Variants in ZRANB3 observed in about 807,000 individuals in gnomAD.
ZRANB3 encodes zinc finger RANBP2-type containing 3, also known as DNA annealing helicase and endonuclease ZRANB3.
A neutral mutation model predicts 133.8 loss-of-function variants in ZRANB3; 125 were observed. The observed-to-expected ratio is 0.93, with a 90% CI of 0.81 to 1.08. The LOEUF is 1.08. Ranked by LOEUF, ZRANB3 falls within the 50% of genes least tolerant of loss-of-function variation. ZRANB3 has a pLI of 0.00. For synonymous variants in ZRANB3, 387 were observed against 432.7 expected (o/e 0.89, Z 1.31); for missense variants, 1,229 against 1,275.5 (o/e 0.96, Z 0.56).
At chr2:135,238,772 C>G (rs1695422923) in intron 12 of ZRANB3, 1 of 152,304 alleles carries the variant, frequency 6.6e-6, no homozygotes, top group Non-Finnish European at 1.5e-5. Context: ...GCCTTGGGAA[C>G]CTAGCCACCA....
intron 2 of ZRANB3, among the ~76,000 whole-genome samples, chr2:135,404,675 G>GA (rs973192846): frequency 1.3e-5 from 2 of 152,078 alleles, no homozygotes; most frequent in African/African-American, 4.8e-5. Flanking sequence ...TGAAATGAAG[G>GA]AAAAAATGTT....
At chr2:135,242,264 T>C (rs1309462491) in intron 12 of ZRANB3, among the ~76,000 whole-genome samples, 1 of 151,638 alleles carries the variant, frequency 6.6e-6, no homozygotes, top group Non-Finnish European at 1.5e-5. Context: ...AAAGTGGATG[T>C]CATGCCACAT....
chr2:135,264,839 A>G (rs976836422), intron 12 of ZRANB3, among the ~76,000 whole-genome samples: 1 of 151,166 alleles, frequency 6.6e-6, no homozygotes, highest in African/African-American at 2.4e-5. Context: ...CTCTGCCTTC[A>G]GGTGGTTCAA....
intron 2 of ZRANB3, among the ~76,000 whole-genome samples, chr2:135,464,089 A>C (rs1690881203): frequency 6.6e-6 from 1 of 152,214 alleles, no homozygotes; most frequent in Non-Finnish European, 1.5e-5. Context: ...AGGATGTGCT[A>C]TGGTCAATTT....
intron 3 of ZRANB3, 108 bp downstream of exon 3, chr2:135,390,694 C>G: frequency 1.4e-6 from 2 of 1,475,154 alleles, no homozygotes; most frequent in Non-Finnish European, 1.8e-6. Context: ...TCCCCATCCC[C>G]ATATACAGAC....
chr2:135,390,920 G>A lies in ZRANB3; in HGVS notation c.162-100C>T, dbSNP rs149025167. ...TCTGTCACCAGGCTGGAGTGCAGTG[G>A]TGCGATCTCAGCTCACTGCAACCTC... On this transcript the variant is annotated intron_variant, in intron 2 of 20. Coordinates refer to ENST00000264159, the MANE Select transcript of ZRANB3 (RefSeq NM_032143.4). The A allele has an allele frequency of 1.5e-3, 1,962 of 1,267,078 alleles. 22 individuals carry two copies. In the African/African-American group the frequency reaches 0.026, roughly 17 times the overall value. The allele number at this position is 1,267,078 out of a possible 1,614,324, so 78.5% of individuals were successfully genotyped here. A position where few individuals can be genotyped will look rare whatever the true frequency, so the allele number is the denominator to read the frequency against.
chr2:135,416,094 GA>G (rs1688560865), intron 2 of ZRANB3, among the ~76,000 whole-genome samples: 1 of 152,014 alleles, frequency 6.6e-6, no homozygotes. Flanking sequence ...CATAGTGTTG[GA>G]AGTTCTGGCC....
chr2:135,197,996 TG>T lies in ZRANB3; in HGVS notation c.*2345del, dbSNP rs1425841480. The T allele has an allele frequency of 6.6e-6, 1 of 152,352 alleles. No individual in the cohort carries two copies. The highest frequency in any genetic ancestry group is 1.5e-5 in the Non-Finnish European group (1 of 68,178). The allele number at this position is 152,352 out of a possible 1,614,324, so 9.4% of individuals were successfully genotyped here. A position where few individuals can be genotyped will look rare whatever the true frequency, so the allele number is the denominator to read the frequency against. ...TTGTTGTTGTTTTCTTAGCCTAAAC[TG>T]TATCTTGCAGCTTCTCTGAGTCTTT... On this transcript the variant is annotated 3_prime_UTR_variant, in exon 21 of 21. Coordinates refer to ENST00000264159, the MANE Select transcript of ZRANB3 (RefSeq NM_032143.4).
intron 2 of ZRANB3, among the ~76,000 whole-genome samples, chr2:135,418,696 C>G (rs1355832064): frequency 6.6e-6 from 1 of 151,980 alleles, no homozygotes; most frequent in Non-Finnish European, 1.5e-5. Context: ...TGACGAAAGA[C>G]TCAACACTGA....
chr2:135,263,698 C>T (rs1680078091), intron 12 of ZRANB3, among the ~76,000 whole-genome samples: 1 of 151,406 alleles, frequency 6.6e-6, no homozygotes, highest in Admixed American at 6.6e-5. Context: ...TTTCATTAGC[C>T]AGATCTAAGT....
In ZRANB3 at chr2:135,208,041, A is replaced by G. The variant is rs577067207; in HGVS notation, c.2607-205T>C. Among the ~76,000 whole-genome samples the G allele has an allele frequency of 2.0e-5, 3 of 152,350 alleles. No homozygotes were observed. The South Asian group carries it at 6.2e-4, about 32-fold the overall frequency. ...TGTTACAAAAATTAATTGAATATAAATATGTTGCCTCTCTTGGGAATTAAC... is the reference window on the plus strand; with the variant it reads ...TGTTACAAAAATTAATTGAATATAAGTATGTTGCCTCTCTTGGGAATTAAC... On this transcript the variant is annotated intron_variant, in intron 18 of 20. Coordinates refer to ENST00000264159, the MANE Select transcript of ZRANB3 (RefSeq NM_032143.4).
At chr2:135,441,521 T>C (rs1312927622) in intron 2 of ZRANB3, among the ~76,000 whole-genome samples, 2 of 152,034 alleles carry the variant, frequency 1.3e-5, no homozygotes, top group African/African-American at 2.4e-5. Flanking sequence ...TTAATATAAA[T>C]ATAAATGACT....
intron 8 of ZRANB3, among the ~76,000 whole-genome samples, chr2:135,288,816 C>T (rs891216580): frequency 1.3e-5 from 2 of 151,734 alleles, no homozygotes; most frequent in Admixed American, 1.3e-4. Flanking sequence ...GTTAGCCTCA[C>T]TAATAGTCTA....
intron 2 of ZRANB3, among the ~76,000 whole-genome samples, chr2:135,459,052 C>T (rs1194399072): frequency 2.6e-5 from 4 of 152,050 alleles, no homozygotes; most frequent in Admixed American, 1.3e-4. Flanking sequence ...CCTCTCTTCC[C>T]GTCATGATAC....
intron 12 of ZRANB3, among the ~76,000 whole-genome samples, chr2:135,247,983 C>A (rs1695880312): frequency 1.3e-5 from 2 of 152,202 alleles, no homozygotes; most frequent in Admixed American, 1.3e-4. Context: ...AACCAGATCA[C>A]CAGCTACCTC....
chr2:135,409,971 T>C lies in ZRANB3; in HGVS notation c.162-19151A>G, dbSNP rs990042713. Among the ~76,000 whole-genome samples, 3 of 152,188 alleles carry C rather than the reference T, an allele frequency of 2.0e-5. No homozygotes were observed. The South Asian group carries it at 6.2e-4, about 32-fold the overall frequency. On this transcript the variant is annotated intron_variant, in intron 2 of 20. Coordinates refer to ENST00000264159, the MANE Select transcript of ZRANB3 (RefSeq NM_032143.4). Reference sequence around the variant, plus strand: ...AGGAGAACTTTGTATGAAACACTGATGAAAGAAATCATAGATGACACAAAC... The same window carrying C: ...AGGAGAACTTTGTATGAAACACTGACGAAAGAAATCATAGATGACACAAAC...
intron 6 of ZRANB3, among the ~76,000 whole-genome samples, chr2:135,339,466 C>T (rs1268829511): frequency 6.6e-6 from 1 of 151,846 alleles, no homozygotes; most frequent in Non-Finnish European, 1.5e-5. Context: ...CCTGTAGTCC[C>T]AGCTACTAGG....
intron 2 of ZRANB3, among the ~76,000 whole-genome samples, chr2:135,499,494 C>T (rs1365286110): frequency 6.6e-6 from 1 of 151,792 alleles, no homozygotes; most frequent in Non-Finnish European, 1.5e-5. Context: ...AGGACTCCTA[C>T]AAAACAATAA....
At chr2:135,491,333 T>C (rs1692363193) in intron 2 of ZRANB3, among the ~76,000 whole-genome samples, 1 of 151,976 alleles carries the variant, frequency 6.6e-6, no homozygotes, top group African/African-American at 2.4e-5. Context: ...GAAATAATGT[T>C]AAGTATTTTT....
Sources: gnomAD v4.1 joint callset for allele counts (sites outside exome capture counted in the v4.1 genomes callset) on GRCh38, gnomAD v4.1.1 for gene constraint, MANE v1.5 for transcripts, NCBI Gene and HGNC (gene_info 2026-07-23, HGNC 2026-07-21) for gene names.